The following FAF1 variants were observed in gnomAD, a reference collection of about 807,000 sequenced individuals.
The protein encoded by FAF1 is Fas associated factor 1.
In FAF1, 25 loss-of-function variants were observed where a neutral mutation model predicts 92.5. That is an observed-to-expected ratio of 0.27 (90% CI 0.20 to 0.38). The LOEUF (loss-of-function observed/expected upper bound fraction) is 0.38, where lower values mean the gene tolerates loss of function less well. Ranked by LOEUF, FAF1 falls within the 10% of genes least tolerant of loss-of-function variation. FAF1 has a pLI of 1.00. For synonymous variants in FAF1, 234 were observed against 273.2 expected, an observed-to-expected ratio of 0.86 and a Z score of 1.42; for missense variants, 636 against 793.3, an observed-to-expected ratio of 0.80 and a Z score of 2.38.
intron 5 of FAF1, 44 bp from the exon 6 acceptor site, chr1:50,738,998 T>G (rs1472680221): frequency 1.7e-6 from 2 of 1,146,310 alleles, no homozygotes; most frequent in East Asian, 4.8e-5. Context: ...TTGATGTTGA[T>G]TATTCATTAT....
chr1:50,894,652 T>A (rs1202649289), intron 1 of FAF1, among the ~76,000 whole-genome samples: 76 of 147,724 alleles, frequency 5.1e-4, no homozygotes, highest in Non-Finnish European at 5.1e-4. Flanking sequence ...AAAAAAAAAA[T>A]GAAATAATAT....
chr1:50,917,629 G>A (rs1266430701), intron 1 of FAF1, among the ~76,000 whole-genome samples: 3 of 20,420 alleles, frequency 1.5e-4, no homozygotes, highest in African/African-American at 5.1e-4. Context: ...AAGGAAAAAG[G>A]AAAGGAAAGG....
chr1:50,596,291 T>C, intron 8 of FAF1, 75 bp from the exon 9 acceptor site: 1 of 1,010,496 alleles, frequency 9.9e-7, no homozygotes, highest in Non-Finnish European at 1.5e-6. Context: ...TTTTCAGGTA[T>C]TTTCTATTAT....
chr1:50,843,497 A>G (rs1644272890), intron 2 of FAF1, among the ~76,000 whole-genome samples: 1 of 151,982 alleles, frequency 6.6e-6, no homozygotes, highest in South Asian at 2.1e-4. Context: ...CCTTCTATCT[A>G]CTTTTGTACA....
chr1:50,666,859 T>C (rs995505740), intron 7 of FAF1, among the ~76,000 whole-genome samples: 5 of 152,156 alleles, frequency 3.3e-5, no homozygotes, highest in African/African-American at 1.2e-4. Flanking sequence ...CACTACAGTC[T>C]GGGTGACAGA....
intron 15 of FAF1, among the ~76,000 whole-genome samples, chr1:50,520,068 T>C (rs1354800209): frequency 6.6e-6 from 1 of 151,856 alleles, no homozygotes; most frequent in African/African-American, 2.4e-5. Flanking sequence ...CAAAACAAAT[T>C]AATGGTAGTT....
intron 1 of FAF1, among the ~76,000 whole-genome samples, chr1:50,950,814 ATTTAT>A (rs1302169398): frequency 1.3e-5 from 2 of 152,248 alleles, no homozygotes; most frequent in Non-Finnish European, 2.9e-5. Context: ...AGCACTGCTA[ATTTAT>A]TTTATACGTA....
At chr1:50,891,458 C>T (rs766338971) in intron 1 of FAF1, among the ~76,000 whole-genome samples, 4 of 152,146 alleles carry the variant, frequency 2.6e-5, no homozygotes, top group Non-Finnish European at 5.9e-5. Flanking sequence ...GAATTTTCAG[C>T]TTTTCTGCTC....
intron 4 of FAF1, among the ~76,000 whole-genome samples, chr1:50,769,067 G>A (rs372961968): frequency 6.6e-6 from 1 of 151,042 alleles, no homozygotes; most frequent in South Asian, 2.1e-4. Context: ...AGGAGAGAAA[G>A]AGAGAGAGAT....
intron 1 of FAF1, among the ~76,000 whole-genome samples, chr1:50,899,588 GAA>G (rs1393564197): frequency 6.6e-6 from 1 of 152,162 alleles, no homozygotes; most frequent in African/African-American, 2.4e-5. Flanking sequence ...GAGTAGCTGG[GAA>G]TACAGGCGCG....
At chr1:50,811,515 T>G (rs1017271730) in intron 2 of FAF1, among the ~76,000 whole-genome samples, 1 of 152,004 alleles carries the variant, frequency 6.6e-6, no homozygotes, top group Non-Finnish European at 1.5e-5. Flanking sequence ...AGGTGAAAGA[T>G]CTCTGTAATG....
chr1:50,709,175 C>A (rs1395649902), intron 6 of FAF1, among the ~76,000 whole-genome samples: 6 of 152,160 alleles, frequency 3.9e-5, no homozygotes, highest in African/African-American at 1.4e-4. Context: ...AATCTTTGTT[C>A]ATATTGTTCT....
At chr1:50,573,488 A>G (rs1010271262) in intron 12 of FAF1, among the ~76,000 whole-genome samples, 1 of 152,254 alleles carries the variant, frequency 6.6e-6, no homozygotes, top group African/African-American at 2.4e-5. Flanking sequence ...AGGCCCAGCA[A>G]TGTCAATGGC....
chr1:50,766,764 A>AT (rs1248226537), intron 4 of FAF1, among the ~76,000 whole-genome samples: 1 of 150,848 alleles, frequency 6.6e-6, no homozygotes, highest in Non-Finnish European at 1.5e-5. Context: ...ATCAAAGAAG[A>AT]TAAAAACAAA....
chr1:50,670,577 A>G (rs1003505868), intron 7 of FAF1, among the ~76,000 whole-genome samples: 4 of 152,216 alleles, frequency 2.6e-5, no homozygotes, highest in Non-Finnish European at 5.9e-5. Context: ...GAAATACTGC[A>G]GTTAAATTAA....
chr1:50,813,558 T>TG (rs1643937941), intron 2 of FAF1, among the ~76,000 whole-genome samples: 4 of 152,154 alleles, frequency 2.6e-5, no homozygotes, highest in Admixed American at 2.6e-4. Context: ...CCTCCATGGC[T>TG]GAAGCAATCC....
chr1:50,724,320 C>CACACACACACAT (rs1446497329), intron 6 of FAF1, among the ~76,000 whole-genome samples: 3 of 150,764 alleles, frequency 2.0e-5, no homozygotes, highest in African/African-American at 7.3e-5. Context: ...CACACACACA[C>CACACACACACAT]ACACACACAC....
chr1:50,863,434 T>C (rs1644452430), intron 1 of FAF1, among the ~76,000 whole-genome samples: 1 of 151,528 alleles, frequency 6.6e-6, no homozygotes, highest in Non-Finnish European at 1.5e-5. Context: ...AAATAGACAA[T>C]CTAAGGTCAT....
At chr1:50,615,763 T>C (rs890670578) in intron 8 of FAF1, among the ~76,000 whole-genome samples, 1 of 152,212 alleles carries the variant, frequency 6.6e-6, no homozygotes, top group Non-Finnish European at 1.5e-5. Context: ...ATAGAATTTT[T>C]GTTGGATGTA....
Sources: allele counts gnomAD v4.1 joint callset (sites outside exome capture counted in the v4.1 genomes callset), GRCh38; gene constraint gnomAD v4.1.1; transcripts MANE v1.5; gene names NCBI Gene and HGNC (gene_info 2026-07-23, HGNC 2026-07-21).